The following GNPDA1 variants were observed in gnomAD, a reference collection of about 807,000 sequenced individuals.
GNPDA1 encodes the protein glucosamine-6-phosphate deaminase 1, also known as GNPDA 1.
GNPDA1 carries 24 observed loss-of-function variants against 28.5 expected under a neutral mutation model. The ratio of observed to expected loss-of-function variants is 0.84; its 90% CI spans 0.61 to 1.19. The LOEUF is 1.19. Ranked by LOEUF, GNPDA1 falls within the 50% of genes most tolerant of loss-of-function variation. GNPDA1 has a pLI of 0.00. For missense variants in GNPDA1, 264 were observed against 367.3 expected (o/e 0.72, Z 2.30); for synonymous variants, 147 against 139.3 (o/e 1.06, Z -0.39).
At position 142,003,819 on chromosome 5, in the gene GNPDA1, T is replaced by C. The variant is rs1198120543; in HGVS notation, c.595-557A>G. On this transcript the variant is annotated intron_variant, in intron 5 of 6. Transcript: ENST00000311337. The surrounding 1 kb of genome is among the most constrained non-coding windows in gnomAD (Gnocchi z 4.0). ...CTTGGGGTGATGGTTTTTGTTAATA[T>C]ATAATAAAACAAAGGCACAGTCTCC... is the stretch of plus-strand genomic sequence containing the variant. Among the ~76,000 whole-genome samples, 1 of 152,214 alleles carries C rather than the reference T, an allele frequency of 6.6e-6. No homozygotes were observed. The highest frequency in any genetic ancestry group is 1.5e-5 in the Non-Finnish European group (1 of 68,032).
chr5:142,009,682 T>C (rs939948230), intron 2 of GNPDA1, among the ~76,000 whole-genome samples: 1 of 152,148 alleles, frequency 6.6e-6, no homozygotes, highest in Non-Finnish European at 1.5e-5. Flanking sequence ...GCTTCCTCTC[T>C]CCTGCCATTT....
chr5:142,003,290 G>A lies in GNPDA1; in HGVS notation c.595-28C>T, dbSNP rs1337068166. On this transcript the variant is annotated intron_variant, in intron 5 of 6. Coordinates refer to ENST00000311337, the MANE Select transcript of GNPDA1 (RefSeq NM_005471.5). This position sits in a 1 kb window ranked among gnomAD's most constrained non-coding sequence, Gnocchi z 4.0. ...GGGGATCAGAAAACAAGTCTGTGAT[G>A]GAGGGGAGCATTCCAGACACCCTAA... The A allele has an allele frequency of 6.6e-7, 1 of 1,519,214 alleles. No individual in the cohort carries two copies. The highest frequency in any genetic ancestry group is 9.1e-7 in the Non-Finnish European group (1 of 1,099,620). The allele number at this position is 1,519,214 out of a possible 1,614,324, so 94.1% of individuals were successfully genotyped here. A position where few individuals can be genotyped will look rare whatever the true frequency, so the allele number is the denominator to read the frequency against.
intron 1 of GNPDA1, chr5:142,012,689 G>C (rs1158734301): frequency 3.1e-6 from 3 of 965,220 alleles, no homozygotes; most frequent in Admixed American, 1.2e-4. Flanking sequence ...GAACCCCTCT[G>C]GGTCTTCAGT....
At chr5:142,007,003 ATACTC>A (rs71715942) in intron 3 of GNPDA1, among the ~76,000 whole-genome samples, 2,289 of 152,278 alleles carry the variant, frequency 0.015, 50 homozygotes, top group African/African-American at 0.053. Context: ...TTCCAGTTAT[ATACTC>A]TAGTTTGATT....
chr5:142,006,241 G>A lies in GNPDA1; in HGVS notation c.312C>T (p.Thr104=). The A allele has an allele frequency of 6.2e-7, 1 of 1,613,366 alleles. No homozygotes were observed. Among genetic ancestry groups the A allele is most frequent in the Non-Finnish European group, 8.5e-7 (1 of 1,179,280 alleles). Residue 104 remains threonine, a synonymous_variant, in exon 4 of 7, where the codon ACC becomes ACT. Coordinates refer to ENST00000311337, the MANE Select transcript of GNPDA1 (RefSeq NM_005471.5). ...FKHIDIHPEN[T]HILDGNAVDL... is the part of the protein sequence containing the mutation. ...CGACTGCATTCCCATCCAGAATGTG[G>A]GTGTTTTCTGGGTGGATGTCAATGT...
Position 142,006,308 on chromosome 5 carries a change from G to A in GNPDA1, c.245C>T (p.Pro82Leu), listed in dbSNP as rs759334566. Residue 82 changes from proline (P) to leucine (L), a missense_variant, in exon 4 of 7, where the codon CCG becomes CTG. Pro to Leu is a moderately conservative substitution (Grantham distance 98). Transcript: ENST00000311337. The stretch of plus-strand genomic sequence containing the variant: ...CCACATGAAGGAGTGGTAACTCTCC[G>A]GGTGGTCTCGAGGAAGGCCTGTGGG... ...DEYVGLPRDHPESYHSFMWNN... is the reference protein window; with the variant it reads ...DEYVGLPRDHLESYHSFMWNN... 3.2e-5 allele frequency: 52 copies of A among 1,613,342 alleles called. No individual in the cohort carries two copies. Among genetic ancestry groups the A allele is most frequent in the South Asian group, 4.4e-5 (4 of 91,006 alleles).
intron 2 of GNPDA1, among the ~76,000 whole-genome samples, chr5:142,008,256 G>C (rs190233032): frequency 2.6e-4 from 39 of 152,370 alleles, no homozygotes; most frequent in African/African-American, 9.4e-4. Context: ...ACAGGGCCAT[G>C]TGATAAGGAC....
intron 4 of GNPDA1, among the ~76,000 whole-genome samples, chr5:142,005,822 G>A (rs150452963): frequency 1.2e-3 from 180 of 152,202 alleles, no homozygotes; most frequent in African/African-American, 3.9e-3. Flanking sequence ...GGAGCCTTCC[G>A]GAACTACATG....
At position 142,001,611 on chromosome 5, in the gene GNPDA1, CAAG is replaced by C. The variant is rs1755679222; in HGVS notation, c.*415_*417del. On this transcript the variant is annotated 3_prime_UTR_variant, in exon 7 of 7. Coordinates refer to ENST00000311337, the MANE Select transcript of GNPDA1 (RefSeq NM_005471.5). Reference sequence around the variant, plus strand: ...TTCTCAACCAAGGGGCAGGCCTGTGCAAGAAGGACTCTCAAGACTCTTCAAAGA... The same window carrying C: ...TTCTCAACCAAGGGGCAGGCCTGTGCAAGGACTCTCAAGACTCTTCAAAGA... The C allele has an allele frequency of 6.4e-6, 1 of 155,520 alleles. No homozygotes were observed. The highest frequency in any genetic ancestry group is 6.5e-5 in the Admixed American group (1 of 15,338). The allele number at this position is 155,520 out of a possible 1,614,324, so 9.6% of individuals were successfully genotyped here. A position where few individuals can be genotyped will look rare whatever the true frequency, so the allele number is the denominator to read the frequency against.
intron 4 of GNPDA1, chr5:142,005,923 C>G: frequency 2.2e-6 from 1 of 461,620 alleles, no homozygotes; most frequent in South Asian, 2.9e-5. Flanking sequence ...AGTCCAAACC[C>G]AAACCTCTCA....
At chr5:142,007,931 C>G (rs774704443) in intron 2 of GNPDA1, 31 bp from the exon 3 acceptor site, 78 of 1,262,266 alleles carry the variant, frequency 6.2e-5, no homozygotes, top group Non-Finnish European at 8.6e-5. Context: ...ATGAACACCC[C>G]TTGCACCCCA....
At chr5:142,011,061 C>A (rs989449013) in intron 2 of GNPDA1, among the ~76,000 whole-genome samples, 9 of 152,064 alleles carry the variant, frequency 5.9e-5, no homozygotes, top group Non-Finnish European at 1.3e-4. Context: ...ATCCACCTAC[C>A]TCAGCCTCCC....
At position 142,003,058 on chromosome 5, in the gene GNPDA1, C is replaced by A; in HGVS notation, c.769+30G>T. ...ACTCCTAGCACACCCTAAGCTTGAC[C>A]ACCTCCTCCTGGACCCACACCTCCC... On this transcript the variant is annotated intron_variant, in intron 6 of 6. Coordinates refer to ENST00000311337, the MANE Select transcript of GNPDA1 (RefSeq NM_005471.5). This position sits in a 1 kb window ranked among gnomAD's most constrained non-coding sequence, Gnocchi z 4.0. The A allele has an allele frequency of 6.3e-7, 1 of 1,591,824 alleles. No individual in the cohort carries two copies. Among genetic ancestry groups the A allele is most frequent in the Non-Finnish European group, 8.6e-7 (1 of 1,166,752 alleles).
chr5:142,005,346 T>C (rs1755776705), intron 4 of GNPDA1: 1 of 409,582 alleles, frequency 2.4e-6, no homozygotes, highest in African/African-American at 1.9e-5. Flanking sequence ...CCATCATGTC[T>C]ATCTGAGGCA....
intron 1 of GNPDA1, chr5:142,012,628 GCT>G (rs376529776): frequency 4.0e-4 from 130 of 324,730 alleles, no homozygotes; most frequent in African/African-American, 2.8e-3. Flanking sequence ...GGAGCTGTGT[GCT>G]CTCTCTGGAC....
In GNPDA1 at chr5:142,003,181, C is replaced by T; in HGVS notation, c.676G>A (p.Val226Met). Reference protein sequence around the residue: ...IEEGVNHMWTVSAFQQHPRTV... With the variant: ...IEEGVNHMWTMSAFQQHPRTV... The stretch of plus-strand genomic sequence containing the variant: ...CGGGGATGCTGCTGGAAGGCAGACA[C>T]GGTCCACATGTGGTTCACTCCCTCC... Residue 226 changes from valine to methionine, a missense_variant, in exon 6 of 7, where the codon GTG (valine) becomes ATG (methionine). Physicochemically the swap from Val to Met is conservative, Grantham distance 21. Transcript: ENST00000311337. This position sits in a 1 kb window ranked among gnomAD's most constrained non-coding sequence, Gnocchi z 4.0. The T allele has an allele frequency of 6.2e-7, 1 of 1,613,898 alleles. No homozygotes were observed. Among genetic ancestry groups the T allele is most frequent in the Non-Finnish European group, 8.5e-7 (1 of 1,179,808 alleles).
chr5:142,010,695 G>A (rs1272663073), intron 2 of GNPDA1, among the ~76,000 whole-genome samples: 2 of 150,836 alleles, frequency 1.3e-5, no homozygotes, highest in East Asian at 2.0e-4. Context: ...TCTATTTTTT[G>A]TAGAGATGGG....
In GNPDA1 at chr5:142,001,975, T is replaced by C; in HGVS notation, c.*54A>G. On this transcript the variant is annotated 3_prime_UTR_variant, in exon 7 of 7. Coordinates refer to ENST00000311337, the MANE Select transcript of GNPDA1 (RefSeq NM_005471.5). ...ACAATTCTTTCTTCTAAAGACAATT[T>C]CCAGAAAGACCTGCCTTTCCCTATG... 1 of 891,126 alleles carries C rather than the reference T, an allele frequency of 1.1e-6. No individual in the cohort carries two copies. The allele number at this position is 891,126 out of a possible 1,614,324, so 55.2% of individuals were successfully genotyped here. A position where few individuals can be genotyped will look rare whatever the true frequency, so the allele number is the denominator to read the frequency against.
Position 142,003,386 on chromosome 5 carries a change from G to A in GNPDA1, c.595-124C>T. ...ACCATGCAACATACTTTTGCTCAGT[G>A]CTCCCTGTGCTTTATCACACAAATA... On this transcript the variant is annotated intron_variant, in intron 5 of 6. Transcript: ENST00000311337. The surrounding 1 kb of genome is among the most constrained non-coding windows in gnomAD (Gnocchi z 4.0). The A allele has an allele frequency of 3.3e-6, 2 of 603,692 alleles. No individual in the cohort carries two copies. Among genetic ancestry groups the A allele is most frequent in the South Asian group, 2.4e-5 (1 of 41,108 alleles). 37.4% of individuals were successfully genotyped at this position (603,692 alleles called of 1,614,324 possible). A position where few individuals can be genotyped will look rare whatever the true frequency, so the allele number is the denominator to read the frequency against.
Sources: gnomAD v4.1 joint callset for allele counts (sites outside exome capture counted in the v4.1 genomes callset) on GRCh38, gnomAD v4.1.1 for gene constraint, Gnocchi (gnomAD v3.1) non-coding constraint, MANE v1.5 for transcripts, NCBI Gene and HGNC (gene_info 2026-07-23, HGNC 2026-07-21) for gene names.